Variants in GLE1 observed in about 807,000 individuals in gnomAD.
GLE1 encodes the protein mRNA export factor GLE1.
Under a neutral mutation model 97.3 loss-of-function variants are expected in GLE1, and 78 were observed. The ratio of observed to expected loss-of-function variants is 0.80; its 90% confidence interval spans 0.67 to 0.97. GLE1 has a LOEUF of 0.97. Ranked by LOEUF, GLE1 falls within the 50% of genes least tolerant of loss-of-function variation. GLE1 has a pLI of 0.00. For synonymous variants in GLE1, 302 were observed against 313.4 expected, an observed-to-expected ratio of 0.96 and a Z score of 0.39; for missense variants, 753 against 857.5, an observed-to-expected ratio of 0.88 and a Z score of 1.52.
Position 128,525,206 on chromosome 9 carries a change from A to G in GLE1, c.912A>G (p.Thr304=). Residue 304 remains threonine, a synonymous_variant, in exon 7 of 16, where the codon ACA becomes ACG. Coordinates refer to ENST00000309971, the MANE Select transcript of GLE1 (RefSeq NM_001003722.2). ...IRASSESSYP[T]AESQAEAERA... ...CACTCTGACAGAGCAGCTATCCCACAGCAGAGAGTCAAGCTGAGGCTGAGC... is the reference window on the plus strand; with the variant it reads ...CACTCTGACAGAGCAGCTATCCCACGGCAGAGAGTCAAGCTGAGGCTGAGC... 1 of 1,613,858 alleles carries G rather than the reference A, an allele frequency of 6.2e-7. No homozygotes were observed. Among genetic ancestry groups the G allele is most frequent in the Non-Finnish European group, 8.5e-7 (1 of 1,179,738 alleles).
intron 2 of GLE1, among the ~76,000 whole-genome samples, chr9:128,512,445 G>A (rs1846852492): frequency 6.6e-6 from 1 of 152,016 alleles, no homozygotes; most frequent in Admixed American, 6.6e-5. Flanking sequence ...GGGGAGACTG[G>A]GTGAAAAGTA....
At chr9:128,507,991 C>CT (rs1189886992) in intron 1 of GLE1, among the ~76,000 whole-genome samples, 1 of 152,070 alleles carries the variant, frequency 6.6e-6, no homozygotes, top group African/African-American at 2.4e-5. Context: ...ACCAGCCTGA[C>CT]TAACATGGAG....
intron 4 of GLE1, among the ~76,000 whole-genome samples, chr9:128,523,035 C>T (rs966516418): frequency 7.2e-5 from 11 of 152,018 alleles, no homozygotes; most frequent in Admixed American, 2.6e-4. Context: ...AACAATTTTA[C>T]GGGCGTGGTG....
intron 1 of GLE1, among the ~76,000 whole-genome samples, chr9:128,505,548 C>A (rs925480710): frequency 2.0e-5 from 3 of 152,202 alleles, no homozygotes; most frequent in African/African-American, 7.2e-5. Context: ...ACAGACCTTA[C>A]ATTCTGTAGG....
chr9:128,508,846 A>G (rs1846716472), intron 1 of GLE1, 30 bp from the exon 2 acceptor site: 4 of 1,246,236 alleles, frequency 3.2e-6, no homozygotes. Context: ...TTGACGTGTA[A>G]GTTGAGCTTA....
chr9:128,508,954 A>AT lies in GLE1; in HGVS notation c.179dup (p.Met60IlefsTer9). 6.2e-7 allele frequency: 1 copy of AT among 1,611,566 alleles called. No homozygotes were observed. The highest frequency in any genetic ancestry group is 8.5e-7 in the Non-Finnish European group (1 of 1,177,668). On this transcript the variant is annotated frameshift_variant, in exon 2 of 16. Transcript: ENST00000309971. LOFTEE classifies it high-confidence loss of function. ...GGTGGTAGAGCACGTCCTACCCCAT[A>AT]TGCAGGAGAACCAACCTCTGTCTGA...
intron 2 of GLE1, among the ~76,000 whole-genome samples, chr9:128,511,762 G>A (rs529633879): frequency 6.6e-6 from 1 of 151,760 alleles, no homozygotes; most frequent in East Asian, 1.9e-4. Flanking sequence ...AAAACTGTAA[G>A]CCTTTTAGAA....
intron 12 of GLE1, among the ~76,000 whole-genome samples, chr9:128,537,659 A>T (rs2132529481): frequency 6.6e-6 from 1 of 152,068 alleles, no homozygotes; most frequent in East Asian, 1.9e-4. Context: ...CAAAAAAATT[A>T]GCTGAGCACG....
At chr9:128,515,136 GA>G (rs1381624923) in intron 2 of GLE1, among the ~76,000 whole-genome samples, 1 of 152,092 alleles carries the variant, frequency 6.6e-6, no homozygotes. Context: ...AGAGTACTTT[GA>G]TAGCCAGCTT....
intron 11 of GLE1, among the ~76,000 whole-genome samples, chr9:128,535,549 G>A (rs994091513): frequency 2.0e-5 from 3 of 148,682 alleles, no homozygotes; most frequent in Non-Finnish European, 3.0e-5. Context: ...GGCCAGGCGC[G>A]GTGGCTCACA....
Position 128,504,916 on chromosome 9 carries a change from C to T in GLE1, c.99+12C>T, listed in dbSNP as rs755546922. On this transcript the variant is annotated intron_variant, in intron 1 of 15. Transcript: ENST00000309971. ...TGCTGCGGCGCGAGGTGAGCGGTGG[C>T]CCCGGAGGACGTAGGCCTTTCCGGC... 3.2e-6 allele frequency: 5 copies of T among 1,572,442 alleles called. No individual in the cohort carries two copies. In the Admixed American group the frequency reaches 6.7e-5, roughly 21 times the overall value.
chr9:128,526,835 A>G (rs1052190782), intron 7 of GLE1, among the ~76,000 whole-genome samples: 3 of 151,730 alleles, frequency 2.0e-5, no homozygotes. Flanking sequence ...CTGCCTGGCT[A>G]ATTTGTGTAT....
chr9:128,523,912 T>C (rs2132460031), intron 6 of GLE1, 66 bp downstream of exon 6: 5 of 1,539,228 alleles, frequency 3.2e-6, no homozygotes, highest in Non-Finnish European at 3.6e-6. Flanking sequence ...GCAAAACTGT[T>C]TTCTGACTTA....
chr9:128,531,692 C>T (rs1174838482), intron 9 of GLE1, among the ~76,000 whole-genome samples: 3 of 150,268 alleles, frequency 2.0e-5, no homozygotes, highest in Non-Finnish European at 4.4e-5. Context: ...ATTAGCCGGG[C>T]GTGGTGGCAC....
At chr9:128,517,289 CAAAA>C in intron 3 of GLE1, among the ~76,000 whole-genome samples, 1 of 138,792 alleles carries the variant, frequency 7.2e-6, no homozygotes, top group East Asian at 2.1e-4. Context: ...TACTTTATCT[CAAAA>C]AAAAAAAAGA....
chr9:128,505,974 G>A (rs912856016), intron 1 of GLE1, among the ~76,000 whole-genome samples: 5 of 152,136 alleles, frequency 3.3e-5, no homozygotes, highest in African/African-American at 1.2e-4. Flanking sequence ...ATTTTATTCA[G>A]TGAGTTGTAA....
intron 7 of GLE1, 39 bp from the exon 8 acceptor site, chr9:128,527,140 A>G: frequency 1.9e-6 from 2 of 1,063,738 alleles, no homozygotes; most frequent in Non-Finnish European, 2.9e-6. Flanking sequence ...ATGTTCAGTA[A>G]ATACTAGCTA....
At chr9:128,508,180 CAAAAA>C (rs561804495) in intron 1 of GLE1, among the ~76,000 whole-genome samples, 1 of 74,480 alleles carries the variant, frequency 1.3e-5, no homozygotes, top group Non-Finnish European at 2.9e-5. Flanking sequence ...AACTCCATCT[CAAAAA>C]AAAAAAAAAA....
At chr9:128,531,606 CA>C (rs1344272732) in intron 9 of GLE1, among the ~76,000 whole-genome samples, 1 of 149,180 alleles carries the variant, frequency 6.7e-6, no homozygotes, top group East Asian at 2.0e-4. Context: ...ATGAGGCAGA[CA>C]GATCACTTGA....
Sources: gnomAD v4.1 joint callset for allele counts (sites outside exome capture counted in the v4.1 genomes callset) on GRCh38, gnomAD v4.1.1 for gene constraint, MANE v1.5 for transcripts, NCBI Gene and HGNC (gene_info 2026-07-23, HGNC 2026-07-21) for gene names.